The following MAN2A1 variants were observed in gnomAD, a reference collection of about 807,000 sequenced individuals.
MAN2A1 encodes alpha-mannosidase 2.
In MAN2A1, 76 loss-of-function variants were observed where a neutral mutation model predicts 142.6. That is an observed-to-expected ratio of 0.53 (90% CI 0.44 to 0.65). The LOEUF (loss-of-function observed/expected upper bound fraction) is 0.65, where lower values mean the gene tolerates loss of function less well. Ranked by LOEUF, MAN2A1 falls within the 30% of genes least tolerant of loss-of-function variation. MAN2A1 has a pLI of 0.00. For synonymous variants in MAN2A1, 559 were observed against 473.2 expected (o/e 1.18, Z -2.35); for missense variants, 1,311 against 1,365.1 (o/e 0.96, Z 0.62).
At chr5:109,772,624 A>G (rs1421689075) in intron 7 of MAN2A1, among the ~76,000 whole-genome samples, 1 of 152,050 alleles carries the variant, frequency 6.6e-6, no homozygotes, top group Non-Finnish European at 1.5e-5. Context: ...CTCCCACCTC[A>G]GCCTCCTGAG....
intron 16 of MAN2A1, among the ~76,000 whole-genome samples, chr5:109,831,945 G>T (rs1754918274): frequency 6.6e-6 from 1 of 151,374 alleles, no homozygotes; most frequent in South Asian, 2.1e-4. Context: ...ACATAAATAT[G>T]TTCCTATTTT....
intron 12 of MAN2A1, among the ~76,000 whole-genome samples, chr5:109,793,707 G>A (rs1212282516): frequency 6.6e-6 from 1 of 152,158 alleles, no homozygotes; most frequent in African/African-American, 2.4e-5. Flanking sequence ...AAAAATTTCA[G>A]ATTGCATCTC....
At chr5:109,739,670 C>T (rs1752209975) in intron 4 of MAN2A1, among the ~76,000 whole-genome samples, 1 of 152,158 alleles carries the variant, frequency 6.6e-6, no homozygotes, top group Admixed American at 6.5e-5. Context: ...GAATTTGTCC[C>T]AAAACATGGT....
intron 7 of MAN2A1, 92 bp downstream of exon 7, chr5:109,770,633 A>G: frequency 9.0e-7 from 1 of 1,113,770 alleles, no homozygotes; most frequent in Non-Finnish European, 1.3e-6. Flanking sequence ...GGGCTTTATT[A>G]GCCAACATTA....
intron 13 of MAN2A1, among the ~76,000 whole-genome samples, chr5:109,817,701 G>T (rs1754503858): frequency 6.6e-6 from 1 of 152,024 alleles, no homozygotes; most frequent in Admixed American, 6.6e-5. Context: ...GTATATCTTT[G>T]TAAGGATGCA....
intron 4 of MAN2A1, among the ~76,000 whole-genome samples, chr5:109,753,340 G>C (rs1752598176): frequency 6.6e-6 from 1 of 152,202 alleles, no homozygotes; most frequent in Non-Finnish European, 1.5e-5. Flanking sequence ...GACAGTAAAG[G>C]TGGGACCGGT....
chr5:109,714,989 CA>C (rs60333109), intron 2 of MAN2A1, among the ~76,000 whole-genome samples: 479 of 118,046 alleles, frequency 4.1e-3, no homozygotes, highest in Middle Eastern at 0.017. Flanking sequence ...AAGGGAACAG[CA>C]AAAAAAAAAA....
intron 12 of MAN2A1, among the ~76,000 whole-genome samples, chr5:109,800,725 G>C (rs759534859): frequency 6.6e-6 from 1 of 152,164 alleles, no homozygotes; most frequent in South Asian, 2.1e-4. Context: ...TATGAAATTT[G>C]TGTTTTCAAG....
chr5:109,768,378 C>T (rs1753051542), intron 6 of MAN2A1, among the ~76,000 whole-genome samples: 1 of 152,082 alleles, frequency 6.6e-6, no homozygotes. Flanking sequence ...TATATTCATT[C>T]TCATTTAATC....
chr5:109,776,323 A>T (rs2042164), intron 8 of MAN2A1, among the ~76,000 whole-genome samples: 26,609 of 152,048 alleles, frequency 0.18, 3,271 homozygotes, highest in East Asian at 0.64. Flanking sequence ...TATCAAGTTT[A>T]TTCAGGATTG....
chr5:109,736,198 G>C (rs1322824121), intron 4 of MAN2A1, among the ~76,000 whole-genome samples: 1 of 151,994 alleles, frequency 6.6e-6, no homozygotes, highest in Non-Finnish European at 1.5e-5. Context: ...CACACACACA[G>C]AGTTGCAGAC....
intron 5 of MAN2A1, among the ~76,000 whole-genome samples, chr5:109,765,249 G>C (rs1752959100): frequency 6.6e-6 from 1 of 152,064 alleles, no homozygotes; most frequent in South Asian, 2.1e-4. Context: ...ATTTGAAACT[G>C]TTCCTTAGTC....
intron 16 of MAN2A1, 32 bp from the exon 17 acceptor site, chr5:109,842,296 C>T (rs754190001): frequency 7.2e-7 from 1 of 1,397,024 alleles, no homozygotes; most frequent in African/African-American, 1.5e-5. Context: ...TAATTTCTTT[C>T]TATTAATCCA....
At chr5:109,711,661 C>G (rs1292843031) in intron 1 of MAN2A1, among the ~76,000 whole-genome samples, 1 of 152,210 alleles carries the variant, frequency 6.6e-6, no homozygotes, top group Non-Finnish European at 1.5e-5. Context: ...GAGCCCTGAA[C>G]TAGTGTTGCA....
At chr5:109,792,559 G>A (rs567257543) in intron 12 of MAN2A1, among the ~76,000 whole-genome samples, 4 of 152,138 alleles carry the variant, frequency 2.6e-5, no homozygotes, top group Admixed American at 2.6e-4. Flanking sequence ...TGACCTGATG[G>A]TCAAATGTTT....
intron 16 of MAN2A1, among the ~76,000 whole-genome samples, chr5:109,828,393 C>T (rs1754814290): frequency 6.6e-6 from 1 of 152,178 alleles, no homozygotes; most frequent in Non-Finnish European, 1.5e-5. Flanking sequence ...ATAATACAAA[C>T]AGAAGCTCCT....
In MAN2A1 at chr5:109,801,847, A is replaced by G. The variant is rs1171861837; in HGVS notation, c.1943+12320A>G. Among the ~76,000 whole-genome samples, 2 of 152,232 alleles carry G rather than the reference A, an allele frequency of 1.3e-5. 1 individual carries two copies. Among genetic ancestry groups the G allele is most frequent in the Non-Finnish European group, 2.9e-5 (2 of 68,040 alleles). On this transcript the variant is annotated intron_variant, in intron 12 of 21. Coordinates refer to ENST00000261483, the MANE Select transcript of MAN2A1 (RefSeq NM_002372.4). ...AAACATAATTAGATGCTGCAAAATTAAAAATTTAAAGAGATAAAGAAAAGC... is the reference window on the plus strand; with the variant it reads ...AAACATAATTAGATGCTGCAAAATTGAAAATTTAAAGAGATAAAGAAAAGC...
At chr5:109,748,628 G>T (rs1330448503) in intron 4 of MAN2A1, among the ~76,000 whole-genome samples, 1 of 152,068 alleles carries the variant, frequency 6.6e-6, no homozygotes, top group South Asian at 2.1e-4. Flanking sequence ...GGCTGGATTT[G>T]GGTGGAATGT....
intron 12 of MAN2A1, among the ~76,000 whole-genome samples, chr5:109,812,404 A>C (rs1313759341): frequency 6.6e-6 from 1 of 152,134 alleles, no homozygotes; most frequent in African/African-American, 2.4e-5. Context: ...TATGGTAAGC[A>C]TTATATTTTA....
Sources: allele counts gnomAD v4.1 joint callset (sites outside exome capture counted in the v4.1 genomes callset), GRCh38; gene constraint gnomAD v4.1.1; transcripts MANE v1.5; gene names NCBI Gene and HGNC (gene_info 2026-07-23, HGNC 2026-07-21).